Variants in SYNPR observed in about 807,000 individuals in gnomAD.
SYNPR encodes the protein synaptoporin.
Under a neutral mutation model 32.9 loss-of-function variants are expected in SYNPR, and 23 were observed. That is an observed-to-expected ratio of 0.70 (90% CI 0.50 to 0.99). The LOEUF is 0.99. Among genes scored for constraint, SYNPR ranks in the 50% least tolerant of loss-of-function variants. The pLI is 0.00. For synonymous variants in SYNPR, 146 were observed against 135.9 expected, an observed-to-expected ratio of 1.07 and a Z score of -0.52; for missense variants, 318 against 349.3, an observed-to-expected ratio of 0.91 and a Z score of 0.71.
chr3:63,526,677 G>A (rs1373791103), intron 3 of SYNPR, among the ~76,000 whole-genome samples: 2 of 152,198 alleles, frequency 1.3e-5, no homozygotes, highest in Non-Finnish European at 2.9e-5. Flanking sequence ...TAAGTAAATA[G>A]AAGCCTAAGG....
intron 2 of SYNPR, among the ~76,000 whole-genome samples, chr3:63,386,566 T>C (rs1157758295): frequency 6.6e-6 from 1 of 150,922 alleles, no homozygotes; most frequent in Non-Finnish European, 1.5e-5. Flanking sequence ...TTTGTAATTA[T>C]CTTCCATGAG....
At chr3:63,501,553 G>T (rs1304290720) in intron 3 of SYNPR, among the ~76,000 whole-genome samples, 1 of 137,918 alleles carries the variant, frequency 7.3e-6, no homozygotes, top group Non-Finnish European at 1.6e-5. Flanking sequence ...GAAAAGAAAA[G>T]AAAATGAAAG....
intron 3 of SYNPR, among the ~76,000 whole-genome samples, chr3:63,528,896 T>C (rs913328435): frequency 6.6e-6 from 1 of 152,070 alleles, no homozygotes; most frequent in African/African-American, 2.4e-5. Context: ...TCAATCATAC[T>C]CCCTCCAATA....
In SYNPR at chr3:63,452,643, C is replaced by T. The variant is rs979218072; in HGVS notation, c.85-28189C>T. Among the ~76,000 whole-genome samples, 9 of 150,876 alleles carry T rather than the reference C, an allele frequency of 6.0e-5. No individual in the cohort carries two copies. The East Asian group carries it at 1.6e-3, about 26-fold the overall frequency. On this transcript the variant is annotated intron_variant, in intron 2 of 5. Transcript: ENST00000478300. ...CAGGACTTGAACCTTCACAACAGCA[C>T]CATGAAAGATCACTATCATTATTTT...
chr3:63,353,556 G>C (rs899178741), intron 2 of SYNPR, among the ~76,000 whole-genome samples: 2 of 152,198 alleles, frequency 1.3e-5, no homozygotes, highest in African/African-American at 4.8e-5. Flanking sequence ...GCCAGTAGTT[G>C]AATCGTGATG....
chr3:63,436,192 T>G (rs966166459), intron 2 of SYNPR, among the ~76,000 whole-genome samples: 4 of 152,116 alleles, frequency 2.6e-5, no homozygotes, highest in Non-Finnish European at 4.4e-5. Context: ...GAGTTTTTTT[T>G]TTTTAATACT....
At chr3:63,237,486 A>G (rs186238385) in intron 1 of SYNPR, among the ~76,000 whole-genome samples, 66 of 151,958 alleles carry the variant, frequency 4.3e-4, no homozygotes, top group Non-Finnish European at 6.2e-4. Context: ...CGTTCTTATG[A>G]TGACTGCTTT....
upstream of SYNPR, among the ~76,000 whole-genome samples, chr3:63,223,559 G>T (rs553895081): frequency 1.3e-4 from 20 of 152,070 alleles, no homozygotes; most frequent in South Asian, 2.1e-4. Flanking sequence ...CTAAGGTTCT[G>T]CCCCCCATTT....
At chr3:63,335,261 G>C (rs1029441188) in intron 2 of SYNPR, among the ~76,000 whole-genome samples, 1 of 150,264 alleles carries the variant, frequency 6.7e-6, no homozygotes, top group African/African-American at 2.4e-5. Context: ...GCTGAGGCAG[G>C]AGAATGGAGT....
chr3:63,357,376 C>G (rs1455629080), intron 2 of SYNPR, among the ~76,000 whole-genome samples: 1 of 152,048 alleles, frequency 6.6e-6, no homozygotes, highest in Non-Finnish European at 1.5e-5. Flanking sequence ...TCCTGACATT[C>G]GAATGGTTTT....
rs78064300 is a variant in SYNPR, at chr3:63,457,367, T to C, written c.85-23465T>C. On this transcript the variant is annotated intron_variant, in intron 2 of 5. Transcript: ENST00000478300. ...TTATAATGATCCTTTTTTTATTTTT[T>C]ATTTTTTATTCCTTACGATCTTAAG... Among the ~76,000 whole-genome samples, 1,283 of 152,248 alleles carry C rather than the reference T, an allele frequency of 8.4e-3. 57 individuals are homozygous for C. In the East Asian group the frequency reaches 0.13, roughly 16 times the overall value.
chr3:63,422,626 C>T (rs1699821058), intron 2 of SYNPR, among the ~76,000 whole-genome samples: 1 of 151,936 alleles, frequency 6.6e-6, no homozygotes, highest in Non-Finnish European at 1.5e-5. Flanking sequence ...CATTTTCACC[C>T]ATCAGATTGG....
intron 2 of SYNPR, among the ~76,000 whole-genome samples, chr3:63,384,713 G>A (rs1395978745): frequency 6.6e-6 from 1 of 152,154 alleles, no homozygotes; most frequent in Non-Finnish European, 1.5e-5. Flanking sequence ...CTCGTACTAT[G>A]TGTGTGGGAC....
chr3:63,343,181 AGAG>A (rs943086919), intron 2 of SYNPR, among the ~76,000 whole-genome samples: 3 of 152,138 alleles, frequency 2.0e-5, no homozygotes, highest in African/African-American at 7.2e-5. Flanking sequence ...TTGAATCTGG[AGAG>A]GAGGACAGAG....
chr3:63,217,641 A>T, the SYNPR span, among the ~76,000 whole-genome samples: 1 of 150,698 alleles, frequency 6.6e-6, no homozygotes, highest in Non-Finnish European at 1.5e-5. Flanking sequence ...CTGGTACCTC[A>T]GATGGAAATG....
chr3:63,241,040 TA>T (rs200871584), intron 1 of SYNPR, among the ~76,000 whole-genome samples: 49 of 149,690 alleles, frequency 3.3e-4, no homozygotes, highest in African/African-American at 9.8e-4. Context: ...CTGAAGACAT[TA>T]AAAAAAAAAT....
chr3:63,316,794 G>T (rs1410870998), intron 2 of SYNPR, among the ~76,000 whole-genome samples: 1 of 151,830 alleles, frequency 6.6e-6, no homozygotes, highest in Non-Finnish European at 1.5e-5. Flanking sequence ...GTTTGTTCTT[G>T]TTTCTCTAGT....
At chr3:63,356,204 C>T (rs1013554531) in intron 2 of SYNPR, among the ~76,000 whole-genome samples, 3 of 152,218 alleles carry the variant, frequency 2.0e-5, no homozygotes, top group Non-Finnish European at 4.4e-5. Context: ...AGGCCATGTT[C>T]GCTGTACTTT....
chr3:63,398,734 A>AG (rs1257615976), intron 2 of SYNPR, among the ~76,000 whole-genome samples: 1 of 152,098 alleles, frequency 6.6e-6, no homozygotes, highest in Admixed American at 6.5e-5. Flanking sequence ...AGAAAAAAAA[A>AG]AAAGTGTACT....
Sources: allele counts gnomAD v4.1 joint callset (sites outside exome capture counted in the v4.1 genomes callset), GRCh38; gene constraint gnomAD v4.1.1; transcripts MANE v1.5; gene names NCBI Gene and HGNC (gene_info 2026-07-23, HGNC 2026-07-21).